The following POU6F2 variants were observed in gnomAD, a reference collection of about 807,000 sequenced individuals.
POU6F2 encodes POU class 6 homeobox 2.
In POU6F2, 31 loss-of-function variants were observed where a neutral mutation model predicts 71.3. That is an observed-to-expected ratio of 0.43 (90% CI 0.33 to 0.59). POU6F2 has a LOEUF of 0.59. Ranked by LOEUF, POU6F2 falls within the 20% of genes least tolerant of loss-of-function variation. The probability of loss-of-function intolerance (pLI) is 0.04; values close to 1 mark genes in which losing one functional copy is unlikely to be tolerated. For missense variants in POU6F2, 783 were observed against 856.8 expected (o/e 0.91, Z 1.07); for synonymous variants, 347 against 355.7 (o/e 0.98, Z 0.27).
chr7:39,276,177 T>C (rs1421083959), intron 4 of POU6F2, among the ~76,000 whole-genome samples: 1 of 151,054 alleles, frequency 6.6e-6, no homozygotes, highest in Admixed American at 6.6e-5. Context: ...ATATCCAGAA[T>C]CTGCAATGAA....
chr7:39,442,965 G>T (rs1251263005), intron 7 of POU6F2, among the ~76,000 whole-genome samples: 1 of 152,080 alleles, frequency 6.6e-6, no homozygotes, highest in African/African-American at 2.4e-5. Context: ...CAGGAGAAAG[G>T]CCTAACCAAG....
rs373556433 is a variant in POU6F2 at position 39,464,552 on chromosome 7, C to G, written c.2029C>G (p.Arg677Gly). Residue 677 changes from arginine (R) to glycine (G), a missense_variant, in exon 10 of 10, where the codon CGA (arginine) becomes GGA (glycine). Physicochemically the swap from Arg to Gly is moderately radical, Grantham distance 125. This residue lies in a region of POU6F2 where 211 missense variants were observed against 283.9 expected (regional missense o/e 0.74). Coordinates refer to ENST00000518318, the MANE Select transcript of POU6F2 (RefSeq NM_001370959.1). This position sits in a 1 kb window ranked among gnomAD's most constrained non-coding sequence, Gnocchi z 4.1. ...AATTGCTGAGAAGCTGAACTATGAC[C>G]GAGAAGTAGTTAGAGTTTGGTTCTG... is the stretch of plus-strand genomic sequence containing the variant. ...TEIAEKLNYD[R>G]EVVRVWFCNK... The G allele has an allele frequency of 6.2e-7, 1 of 1,612,928 alleles. No homozygotes were observed. Among genetic ancestry groups the G allele is most frequent in the Non-Finnish European group, 8.5e-7 (1 of 1,179,486 alleles).
At chr7:39,281,896 C>A (rs1287986613) in intron 4 of POU6F2, among the ~76,000 whole-genome samples, 1 of 152,086 alleles carries the variant, frequency 6.6e-6, no homozygotes, top group East Asian at 1.9e-4. Context: ...TCCAAAATGG[C>A]TATACTAATT....
At chr7:39,307,376 T>C (rs1424890452) in intron 4 of POU6F2, among the ~76,000 whole-genome samples, 1 of 152,166 alleles carries the variant, frequency 6.6e-6, no homozygotes, top group African/African-American at 2.4e-5. Context: ...ATTACAAATG[T>C]AAAAGTTAGA....
intron 2 of POU6F2, among the ~76,000 whole-genome samples, chr7:39,129,424 G>A (rs1054953558): frequency 2.5e-4 from 38 of 152,260 alleles, no homozygotes; most frequent in African/African-American, 8.4e-4. Context: ...ACCTTAAGAA[G>A]TATAACTGAT....
At chr7:39,387,642 C>G (rs1352637660) in intron 5 of POU6F2, among the ~76,000 whole-genome samples, 3 of 152,222 alleles carry the variant, frequency 2.0e-5, no homozygotes, top group Non-Finnish European at 4.4e-5. Context: ...ATATAATCAT[C>G]CACATACAGT....
chr7:39,432,118 C>T (rs1383015874), intron 6 of POU6F2, among the ~76,000 whole-genome samples: 1 of 152,170 alleles, frequency 6.6e-6, no homozygotes, highest in South Asian at 2.1e-4. Context: ...ATTCTATGGA[C>T]ACCCAGTCTG....
intron 1 of POU6F2, among the ~76,000 whole-genome samples, chr7:39,026,935 A>G (rs1322100186): frequency 2.0e-5 from 3 of 152,214 alleles, no homozygotes; most frequent in Admixed American, 6.5e-5. Context: ...GCCAAACTAC[A>G]TAACAGAAGT....
At chr7:39,382,151 C>A (rs1421768176) in intron 5 of POU6F2, among the ~76,000 whole-genome samples, 1 of 152,064 alleles carries the variant, frequency 6.6e-6, no homozygotes, top group Non-Finnish European at 1.5e-5. Context: ...CAGATCCAAC[C>A]AGATTGGTTA....
intron 2 of POU6F2, among the ~76,000 whole-genome samples, chr7:39,163,662 G>C (rs1162990729): frequency 6.6e-6 from 1 of 152,084 alleles, no homozygotes; most frequent in Non-Finnish European, 1.5e-5. Context: ...TTCACTACTG[G>C]ATATATTTCC....
intron 4 of POU6F2, among the ~76,000 whole-genome samples, chr7:39,275,122 C>T (rs1488752830): frequency 6.6e-6 from 1 of 152,100 alleles, no homozygotes; most frequent in African/African-American, 2.4e-5. Context: ...TCCCTGTTTG[C>T]AGATGACATG....
intron 4 of POU6F2, among the ~76,000 whole-genome samples, chr7:39,281,223 A>C (rs1784556794): frequency 6.6e-6 from 1 of 152,126 alleles, no homozygotes; most frequent in Admixed American, 6.5e-5. Flanking sequence ...GTCTTGATAC[A>C]TGTGTGCATT....
intron 1 of POU6F2, among the ~76,000 whole-genome samples, chr7:39,059,961 A>AAC (rs1790619913): frequency 6.6e-6 from 1 of 152,238 alleles, no homozygotes. Context: ...CTGTAATCCC[A>AAC]ACACTTTGGG....
chr7:39,181,506 A>G (rs188929582), intron 2 of POU6F2, among the ~76,000 whole-genome samples: 10 of 152,324 alleles, frequency 6.6e-5, no homozygotes, highest in African/African-American at 2.4e-4. Flanking sequence ...ATAAAGGAAC[A>G]TTCACTTGCT....
At chr7:39,151,642 A>G (rs911423331) in intron 2 of POU6F2, among the ~76,000 whole-genome samples, 2 of 152,158 alleles carry the variant, frequency 1.3e-5, no homozygotes, top group African/African-American at 4.8e-5. Flanking sequence ...CTACCCTAGT[A>G]ACTTCTCTTT....
rs1318717502 is a variant in POU6F2, at chr7:39,150,665, G to A, written c.278-53570G>A. Reference sequence around the variant, plus strand: ...GTATTTTTAGTACAGATGGGGTTTCGTCATGTTGGCCAGGCTGGTCTCGAA... The same window carrying A: ...GTATTTTTAGTACAGATGGGGTTTCATCATGTTGGCCAGGCTGGTCTCGAA... On this transcript the variant is annotated intron_variant, in intron 2 of 9. Transcript: ENST00000518318. 6.6e-5 allele frequency among the ~76,000 whole-genome samples: 10 copies of A among 151,154 alleles called. No individual in the cohort carries two copies. The South Asian group carries it at 8.4e-4, about 13-fold the overall frequency.
At chr7:39,462,377 G>A (rs542268105) in intron 9 of POU6F2, among the ~76,000 whole-genome samples, 1 of 152,314 alleles carries the variant, frequency 6.6e-6, no homozygotes, top group South Asian at 2.1e-4. Flanking sequence ...AACAATTTAA[G>A]TGAATTCAAA....
At chr7:39,002,489 A>G (rs1788942527) in intron 1 of POU6F2, among the ~76,000 whole-genome samples, 1 of 152,174 alleles carries the variant, frequency 6.6e-6, no homozygotes, top group Non-Finnish European at 1.5e-5. Flanking sequence ...CTGGGACTAC[A>G]GGCACGTGCC....
chr7:39,184,032 T>C (rs1207604527), intron 2 of POU6F2, among the ~76,000 whole-genome samples: 1 of 152,144 alleles, frequency 6.6e-6, no homozygotes, highest in Non-Finnish European at 1.5e-5. Flanking sequence ...CCATTAAGTC[T>C]TGCAAATGCC....
Sources: allele counts gnomAD v4.1 joint callset (sites outside exome capture counted in the v4.1 genomes callset), GRCh38; gene constraint gnomAD v4.1.1; regional missense constraint gnomAD v4.1.1; non-coding constraint Gnocchi (gnomAD v3.1); transcripts MANE v1.5; gene names NCBI Gene and HGNC (gene_info 2026-07-23, HGNC 2026-07-21).